The following TTLL5 variants were observed in gnomAD, a reference collection of about 807,000 sequenced individuals.
TTLL5 encodes tubulin polyglutamylase TTLL5.
In TTLL5, 132 loss-of-function variants were observed where a neutral mutation model predicts 168.4. The observed-to-expected ratio is 0.78, with a 90% CI of 0.68 to 0.91. The LOEUF (loss-of-function observed/expected upper bound fraction) is 0.91, where lower values mean the gene tolerates loss of function less well. Ranked by LOEUF, TTLL5 falls within the 40% of genes least tolerant of loss-of-function variation. TTLL5 has a pLI of 0.00. For synonymous variants in TTLL5, 546 were observed against 558.6 expected, an observed-to-expected ratio of 0.98 and a Z score of 0.32; for missense variants, 1,545 against 1,581.5, an observed-to-expected ratio of 0.98 and a Z score of 0.39.
rs767969452 is a variant in TTLL5, at chr14:75,882,878, GGGCAACA to G, written c.3717_3723del (p.Arg1239SerfsTer15). The stretch of plus-strand genomic sequence containing the variant: ...CCCAACCACGAACAAGTGCTCAGAA[GGGCAACA>G]TCCCAGAAAGCTTCCAAGTAAGTTT... On this transcript the variant is annotated frameshift_variant, in exon 30 of 32. Coordinates refer to ENST00000298832, the MANE Select transcript of TTLL5 (RefSeq NM_015072.5). LOFTEE classifies it high-confidence loss of function. 1 of 1,613,970 alleles carries G rather than the reference GGGCAACA, an allele frequency of 6.2e-7. No homozygotes were observed. The highest frequency in any genetic ancestry group is 2.2e-5 in the East Asian group (1 of 44,882).
intron 21 of TTLL5, among the ~76,000 whole-genome samples, chr14:75,773,115 A>T (rs576480073): frequency 2.0e-4 from 30 of 152,306 alleles, no homozygotes; most frequent in African/African-American, 7.2e-4. Context: ...TGCCAGGCTT[A>T]TTGTAAAAAC....
At chr14:75,839,990 A>G (rs1047529325) in intron 28 of TTLL5, among the ~76,000 whole-genome samples, 3 of 152,222 alleles carry the variant, frequency 2.0e-5, no homozygotes, top group Non-Finnish European at 4.4e-5. Context: ...TGATTTGTCA[A>G]TATTTTCTCC....
At chr14:75,710,958 C>G (rs930352543) in intron 9 of TTLL5, 13 of 152,244 alleles carry the variant, frequency 8.5e-5, no homozygotes, top group Middle Eastern at 3.4e-3. Context: ...TCCCTTACAC[C>G]CTATCACTTC....
At chr14:75,731,151 A>G (rs1049195027) in intron 12 of TTLL5, among the ~76,000 whole-genome samples, 2 of 152,116 alleles carry the variant, frequency 1.3e-5, no homozygotes, top group Admixed American at 1.3e-4. Context: ...TCCTTCTTGA[A>G]GCAAGGAAAT....
intron 20 of TTLL5, among the ~76,000 whole-genome samples, chr14:75,766,776 G>A (rs974156885): frequency 1.3e-5 from 2 of 152,144 alleles, no homozygotes; most frequent in Non-Finnish European, 2.9e-5. Flanking sequence ...TTATGGATGA[G>A]GGAAAATTTG....
intron 28 of TTLL5, among the ~76,000 whole-genome samples, chr14:75,845,803 C>A (rs1234997484): frequency 2.6e-5 from 4 of 152,210 alleles, no homozygotes. Flanking sequence ...CTTTCCTCTA[C>A]TTTAACTTTC....
chr14:75,757,869 G>A (rs767724283), intron 18 of TTLL5: 141 of 1,589,254 alleles, frequency 8.9e-5, no homozygotes, highest in Non-Finnish European at 1.1e-4. Flanking sequence ...GGAAGAACAC[G>A]GTAATTGACT....
intron 9 of TTLL5, among the ~76,000 whole-genome samples, chr14:75,712,782 A>G (rs1887176475): frequency 1.3e-5 from 2 of 152,150 alleles, no homozygotes; most frequent in South Asian, 4.1e-4. Context: ...CTTGATCACT[A>G]TCTTGATTCT....
chr14:75,775,714 A>T (rs967471225), intron 22 of TTLL5, 84 bp downstream of exon 22: 7 of 1,503,758 alleles, frequency 4.7e-6, no homozygotes, highest in South Asian at 1.3e-5. Flanking sequence ...GTCCAACTGG[A>T]TGGAGACACT....
chr14:75,893,572 A>G (rs1301735408), intron 30 of TTLL5, among the ~76,000 whole-genome samples: 1 of 152,038 alleles, frequency 6.6e-6, no homozygotes, highest in African/African-American at 2.4e-5. Flanking sequence ...TAATCCCAGC[A>G]CTTTGGGAGG....
At chr14:75,945,140 G>T (rs773709785) in intron 31 of TTLL5, among the ~76,000 whole-genome samples, 1 of 151,122 alleles carries the variant, frequency 6.6e-6, no homozygotes, top group South Asian at 2.1e-4. Flanking sequence ...CACCTGCTTG[G>T]CCCTCTTCCA....
At chr14:75,879,510 C>T (rs1393636445) in intron 29 of TTLL5, among the ~76,000 whole-genome samples, 1 of 152,178 alleles carries the variant, frequency 6.6e-6, no homozygotes, top group African/African-American at 2.4e-5. Context: ...TAGGTCTTTG[C>T]TTTATTTCAA....
At chr14:75,764,908 A>C (rs775608975) in intron 19 of TTLL5, 136 bp downstream of exon 19, 2 of 1,015,574 alleles carry the variant, frequency 2.0e-6, no homozygotes, top group Non-Finnish European at 2.8e-6. Context: ...TTTTTCTCTG[A>C]AACTTAATTT....
chr14:75,950,282 A>C (rs2034920842), intron 31 of TTLL5, among the ~76,000 whole-genome samples: 1 of 152,240 alleles, frequency 6.6e-6, no homozygotes, highest in Non-Finnish European at 1.5e-5. Flanking sequence ...TTAGAGACTT[A>C]AATATGAAAA....
intron 11 of TTLL5, among the ~76,000 whole-genome samples, chr14:75,720,156 G>A (rs1887750819): frequency 6.6e-6 from 1 of 152,156 alleles, no homozygotes; most frequent in Non-Finnish European, 1.5e-5. Context: ...CAAGTTTCGA[G>A]TTTTCTAAGT....
chr14:75,756,479 C>T (rs1259528852), intron 18 of TTLL5, among the ~76,000 whole-genome samples: 4 of 150,044 alleles, frequency 2.7e-5, no homozygotes, highest in African/African-American at 4.9e-5. Flanking sequence ...TAAATACACA[C>T]GTACATAAAT....
chr14:75,908,055 G>T (rs896643513), intron 31 of TTLL5, among the ~76,000 whole-genome samples: 1 of 152,216 alleles, frequency 6.6e-6, no homozygotes, highest in Non-Finnish European at 1.5e-5. Context: ...ATCAGCAAAA[G>T]AAGCCTTGGG....
intron 27 of TTLL5, among the ~76,000 whole-genome samples, chr14:75,795,855 A>G (rs982860070): frequency 6.6e-6 from 1 of 152,158 alleles, no homozygotes; most frequent in Non-Finnish European, 1.5e-5. Context: ...GGCTGGTTCC[A>G]TATTTTTGCA....
intron 27 of TTLL5, among the ~76,000 whole-genome samples, chr14:75,795,925 C>G (rs1193216416): frequency 6.6e-6 from 1 of 152,132 alleles, no homozygotes; most frequent in African/African-American, 2.4e-5. Context: ...ATAATGACTT[C>G]TTTTCCTCTG....
Sources: gnomAD v4.1 joint callset for allele counts (sites outside exome capture counted in the v4.1 genomes callset) on GRCh38, gnomAD v4.1.1 for gene constraint, MANE v1.5 for transcripts, NCBI Gene and HGNC (gene_info 2026-07-23, HGNC 2026-07-21) for gene names.